UTP6: variants seen among roughly 807,000 people sequenced by gnomAD.
The protein encoded by UTP6 is U3 small nucleolar RNA-associated protein 6 homolog.
In UTP6, 60 loss-of-function variants were observed where a neutral mutation model predicts 96.5. The observed-to-expected ratio is 0.62, with a 90% CI of 0.51 to 0.77. The LOEUF is 0.77. Ranked by LOEUF, UTP6 falls within the 30% of genes least tolerant of loss-of-function variation. UTP6 has a pLI of 0.00. For synonymous variants in UTP6, 215 were observed against 240.1 expected, an observed-to-expected ratio of 0.90 and a Z score of 0.96; for missense variants, 637 against 706.5, an observed-to-expected ratio of 0.90 and a Z score of 1.12.
chr17:31,898,710 TCAAC>T (rs1257142995), intron 2 of UTP6, among the ~76,000 whole-genome samples: 1 of 145,598 alleles, frequency 6.9e-6, no homozygotes, highest in Non-Finnish European at 1.5e-5. Context: ...TTTCAATTAA[TCAAC>T]CAATCAATCA....
At chr17:31,879,879 G>A (rs1490785505) in intron 11 of UTP6, among the ~76,000 whole-genome samples, 1 of 151,888 alleles carries the variant, frequency 6.6e-6, no homozygotes, top group Non-Finnish European at 1.5e-5. Context: ...GCCAAAGTGA[G>A]CAAACCACCT....
intron 17 of UTP6, among the ~76,000 whole-genome samples, chr17:31,867,507 C>CAA (rs753954881): frequency 6.4e-4 from 76 of 117,838 alleles, no homozygotes; most frequent in African/African-American, 2.1e-3. Context: ...GACTCTATCT[C>CAA]AAAAAAAAAA....
intron 17 of UTP6, among the ~76,000 whole-genome samples, chr17:31,867,457 G>A (rs1909891096): frequency 6.8e-6 from 1 of 147,568 alleles, no homozygotes; most frequent in South Asian, 2.2e-4. Flanking sequence ...GCAGTGAGCC[G>A]AGATCACACC....
chr17:31,881,954 G>C (rs1278079560), intron 10 of UTP6, among the ~76,000 whole-genome samples: 1 of 152,036 alleles, frequency 6.6e-6, no homozygotes, highest in Non-Finnish European at 1.5e-5. Context: ...CAAAGTGTTG[G>C]GATTACAGCC....
intron 2 of UTP6, among the ~76,000 whole-genome samples, chr17:31,896,658 T>TTTA (rs1904668428): frequency 6.6e-6 from 1 of 151,872 alleles, no homozygotes; most frequent in Admixed American, 6.6e-5. Flanking sequence ...TTTTTTTTTT[T>TTTA]GAGACAGGGT....
rs1904400555 is a variant in UTP6, at chr17:31,892,808, A to C, written c.313-14T>G. 8.1e-6 allele frequency: 13 copies of C among 1,614,114 alleles called. No individual in the cohort carries two copies. The highest frequency in any genetic ancestry group is 1.1e-5 in the Non-Finnish European group (13 of 1,179,994). ...TTGAACATCGTCCTGCAAGAAAAGC[A>C]ATGTAGTAAGCTGCCCAAATTTGAC... On this transcript the variant is annotated splice_polypyrimidine_tract_variant and intron_variant, in intron 4 of 18. Transcript: ENST00000261708.
At chr17:31,893,391 A>T (rs538285409) in intron 4 of UTP6, among the ~76,000 whole-genome samples, 1 of 147,454 alleles carries the variant, frequency 6.8e-6, no homozygotes. Context: ...ATTGTGTGCC[A>T]CTGCACTCTA....
chr17:31,895,430 T>A (rs1357244504), intron 2 of UTP6, among the ~76,000 whole-genome samples: 1 of 152,240 alleles, frequency 6.6e-6, no homozygotes, highest in Non-Finnish European at 1.5e-5. Flanking sequence ...ACCTTGACTT[T>A]GTTATCATTC....
Position 31,901,682 on chromosome 17 carries a change from G to A in UTP6, c.-55C>T. ...GCTTCTCAACAGCGAACACGAGCAG[G>A]AAGCTCCCGGTTTCAGGTTCGGAGA... On this transcript the variant is annotated 5_prime_UTR_variant, in exon 1 of 19. Transcript: ENST00000261708. The A allele has an allele frequency of 4.5e-6, 7 of 1,569,408 alleles. No individual in the cohort carries two copies. The highest frequency in any genetic ancestry group is 1.7e-4 in the Middle Eastern group (1 of 5,934).
At position 31,892,913 on chromosome 17, in the gene UTP6, C is replaced by G; in HGVS notation, c.313-119G>C. On this transcript the variant is annotated intron_variant, in intron 4 of 18. Transcript: ENST00000261708. ...TCAGGTTGGATGCGGTGGCTCACAC[C>G]TGTAATCCCACCACTTTGTGAAGCC... 4.3e-6 allele frequency: 5 copies of G among 1,150,212 alleles called. No homozygotes were observed. The South Asian group carries it at 6.8e-5, about 16-fold the overall frequency. The allele number at this position is 1,150,212 out of a possible 1,614,324, so 71.3% of individuals were successfully genotyped here.
At chr17:31,892,444 T>C in intron 5 of UTP6, 121 bp from the exon 6 acceptor site, 7 of 1,016,824 alleles carry the variant, frequency 6.9e-6, no homozygotes, top group Non-Finnish European at 1.0e-5. Flanking sequence ...ATGCTATTGC[T>C]AGGGATATAT....
rs78376480 is a variant in UTP6, at chr17:31,892,711, G to A, written c.360+36C>T. The A allele has an allele frequency of 5.8e-4, 932 of 1,613,190 alleles. 2 individuals carry two copies. In the African/African-American group the frequency reaches 7.4e-3, roughly 13 times the overall value. On this transcript the variant is annotated intron_variant, in intron 5 of 18. Coordinates refer to ENST00000261708, the MANE Select transcript of UTP6 (RefSeq NM_018428.3). ...TTAAAGGGCAGATTAACAAAAAGAC[G>A]GTCAGAGGAAGCAAGACATGCATGG...
intron 11 of UTP6, among the ~76,000 whole-genome samples, chr17:31,879,620 T>G (rs990417967): frequency 6.7e-6 from 1 of 150,372 alleles, no homozygotes. Flanking sequence ...TGGAGTGAGC[T>G]GAAATTGCGC....
chr17:31,900,377 G>A (rs1411279915), intron 1 of UTP6, among the ~76,000 whole-genome samples: 5 of 151,698 alleles, frequency 3.3e-5, no homozygotes, highest in Non-Finnish European at 1.5e-5. Flanking sequence ...CTACAACCTC[G>A]GCCTCCCGAG....
In UTP6 at chr17:31,880,820, A is replaced by G. The variant is rs148190936; in HGVS notation, c.786-66T>C. On this transcript the variant is annotated intron_variant, in intron 10 of 18. Transcript: ENST00000261708. ...AACTGACTCAGAATATCAGAGAAACAGTTACCTGTGCTTAAAAAATCTACA... is the reference window on the plus strand; with the variant it reads ...AACTGACTCAGAATATCAGAGAAACGGTTACCTGTGCTTAAAAAATCTACA... 4.7e-4 allele frequency: 749 copies of G among 1,590,462 alleles called. 3 individuals are homozygous for G. In the African/African-American group the frequency reaches 8.3e-3, roughly 18 times the overall value.
chr17:31,900,189 G>A (rs562857792), intron 1 of UTP6, among the ~76,000 whole-genome samples: 1 of 152,130 alleles, frequency 6.6e-6, no homozygotes, highest in Non-Finnish European at 1.5e-5. Flanking sequence ...TGTTCTTAAG[G>A]GTTCATTTTT....
chr17:31,892,623 G>C lies in UTP6; in HGVS notation c.360+124C>G, dbSNP rs1390450334. On this transcript the variant is annotated intron_variant, in intron 5 of 18. Transcript: ENST00000261708. ...ATATCCAATGTTATATTGATGTTCCGCCTTCTTGGGTTCTTTTTTCATGTT... is the reference window on the plus strand; with the variant it reads ...ATATCCAATGTTATATTGATGTTCCCCCTTCTTGGGTTCTTTTTTCATGTT... 6.3e-6 allele frequency: 7 copies of C among 1,108,116 alleles called. No individual in the cohort carries two copies. The East Asian group carries it at 1.7e-4, about 27-fold the overall frequency. 68.6% of individuals were successfully genotyped at this position (1,108,116 alleles called of 1,614,324 possible). A position where few individuals can be genotyped will look rare whatever the true frequency, so the allele number is the denominator to read the frequency against.
chr17:31,879,396 ATAAT>A (rs1910693975), intron 11 of UTP6, among the ~76,000 whole-genome samples: 2 of 151,766 alleles, frequency 1.3e-5, no homozygotes. Context: ...TCTCAAAAAG[ATAAT>A]TAAGGATGTC....
In UTP6 at chr17:31,862,093, C is replaced by A. The variant is rs1909580198; in HGVS notation, c.*1266G>T. ...GGTGGATCATGAGGTCAGGAGTTCG[C>A]AACCAGCCTGGCCAATATGATGAAA... On this transcript the variant is annotated 3_prime_UTR_variant, in exon 19 of 19. Coordinates refer to ENST00000261708, the MANE Select transcript of UTP6 (RefSeq NM_018428.3). 3 of 152,226 alleles carry A rather than the reference C, an allele frequency of 2.0e-5. No individual in the cohort carries two copies. 9.4% of individuals were successfully genotyped at this position (152,226 alleles called of 1,614,324 possible).
Sources: gnomAD v4.1 joint callset for allele counts (sites outside exome capture counted in the v4.1 genomes callset) on GRCh38, gnomAD v4.1.1 for gene constraint, MANE v1.5 for transcripts, NCBI Gene and HGNC (gene_info 2026-07-23, HGNC 2026-07-21) for gene names.